Variants in CTNNA3 observed in about 807,000 individuals in gnomAD.
The protein encoded by CTNNA3 is catenin alpha-3.
A neutral mutation model predicts 95.7 loss-of-function variants in CTNNA3; 76 were observed. That is an observed-to-expected ratio of 0.79 (90% CI 0.66 to 0.96). CTNNA3 has a LOEUF of 0.96. Ranked by LOEUF, CTNNA3 falls within the 40% of genes least tolerant of loss-of-function variation. The pLI is 0.00. For synonymous variants in CTNNA3, 431 were observed against 374.4 expected (o/e 1.15, Z -1.74); for missense variants, 1,191 against 1,089.8 (o/e 1.09, Z -1.31).
At chr10:66,056,114 G>A (rs1007540071) in intron 15 of CTNNA3, among the ~76,000 whole-genome samples, 2 of 152,020 alleles carry the variant, frequency 1.3e-5, no homozygotes, top group Non-Finnish European at 2.9e-5. Flanking sequence ...TGTTAAAGGA[G>A]AGGCTTTCAG....
intron 10 of CTNNA3, among the ~76,000 whole-genome samples, chr10:66,550,163 G>A (rs1475583012): frequency 6.6e-6 from 1 of 152,014 alleles, no homozygotes; most frequent in Admixed American, 6.6e-5. Flanking sequence ...CCTGATGAAT[G>A]CCTATTTTAT....
intron 7 of CTNNA3, among the ~76,000 whole-genome samples, chr10:67,128,438 C>T (rs1338200678): frequency 6.8e-6 from 1 of 147,982 alleles, no homozygotes; most frequent in African/African-American, 2.5e-5. Context: ...TAATCTGATC[C>T]TTTTTTTTTT....
chr10:66,917,642 C>A (rs543205472), intron 7 of CTNNA3, among the ~76,000 whole-genome samples: 5 of 152,300 alleles, frequency 3.3e-5, no homozygotes, highest in Non-Finnish European at 5.9e-5. Context: ...TGTCTATTAT[C>A]TTTCTCCTCC....
At chr10:66,086,132 C>T (rs537358262) in intron 14 of CTNNA3, among the ~76,000 whole-genome samples, 12 of 152,254 alleles carry the variant, frequency 7.9e-5, no homozygotes, top group Non-Finnish European at 1.8e-4. Flanking sequence ...ATAGACAAGG[C>T]TTTTCCAAGT....
At position 66,345,138 on chromosome 10, in the gene CTNNA3, G is replaced by A. The variant is rs546858833; in HGVS notation, c.1732+34014C>T. ...TATTTTCAGGCATAGAAATTTTGCC[G>A]GCATTCTGAACTACAAATGCTGCTG... On this transcript the variant is annotated intron_variant, in intron 12 of 17. Coordinates refer to ENST00000433211, the MANE Select transcript of CTNNA3 (RefSeq NM_013266.4). 4.7e-4 allele frequency among the ~76,000 whole-genome samples: 72 copies of A among 151,978 alleles called. 1 individual carries two copies. In the South Asian group the frequency reaches 0.014, roughly 30 times the overall value.
chr10:67,302,055 G>A (rs1342876143), intron 5 of CTNNA3, among the ~76,000 whole-genome samples: 2 of 124,950 alleles, frequency 1.6e-5, no homozygotes, highest in Admixed American at 7.6e-5. Context: ...AAGAAAGAAA[G>A]AAAGAAAGAA....
intron 7 of CTNNA3, among the ~76,000 whole-genome samples, chr10:66,978,526 CAAAAAAAAAA>C (rs1170594360): frequency 4.7e-5 from 2 of 42,320 alleles, no homozygotes; most frequent in East Asian, 9.6e-4. Context: ...GACTCCATCT[CAAAAAAAAAA>C]AAAAAAAAAA....
At chr10:67,384,146 A>G (rs957352457) in intron 5 of CTNNA3, among the ~76,000 whole-genome samples, 1 of 152,198 alleles carries the variant, frequency 6.6e-6, no homozygotes, top group Non-Finnish European at 1.5e-5. Flanking sequence ...ATAAGGATAC[A>G]TAAAACACAA....
chr10:66,047,653 T>C (rs1161005814), intron 15 of CTNNA3, among the ~76,000 whole-genome samples: 1 of 152,000 alleles, frequency 6.6e-6, no homozygotes, highest in Non-Finnish European at 1.5e-5. Context: ...GAGAGACAAA[T>C]AAAGGGCACC....
intron 9 of CTNNA3, among the ~76,000 whole-genome samples, chr10:66,755,892 C>T (rs1188342007): frequency 6.6e-6 from 1 of 152,052 alleles, no homozygotes; most frequent in Non-Finnish European, 1.5e-5. Context: ...CATATAAGTT[C>T]CCATAAGACC....
chr10:67,611,653 A>G (rs1843463427), intron 2 of CTNNA3, among the ~76,000 whole-genome samples: 1 of 152,068 alleles, frequency 6.6e-6, no homozygotes, highest in Admixed American at 6.6e-5. Flanking sequence ...GGGTAACACA[A>G]TTATATTCTA....
At chr10:67,740,515 T>G (rs2133640344) in intron 1 of CTNNA3, among the ~76,000 whole-genome samples, 1 of 151,424 alleles carries the variant, frequency 6.6e-6, no homozygotes, top group East Asian at 1.9e-4. Flanking sequence ...AACAGACACT[T>G]GTCAACAGAA....
chr10:66,147,746 A>C (rs925475710), intron 13 of CTNNA3, among the ~76,000 whole-genome samples: 33 of 145,822 alleles, frequency 2.3e-4, no homozygotes, highest in Admixed American at 2.1e-3. Context: ...AAATATGTTT[A>C]TATTAGTATG....
At chr10:67,729,475 T>G (rs1841262786) in intron 1 of CTNNA3, among the ~76,000 whole-genome samples, 1 of 152,158 alleles carries the variant, frequency 6.6e-6, no homozygotes. Context: ...GTTAATCTAA[T>G]TTTTAAAACA....
At chr10:67,639,986 A>G (rs539801134) in intron 2 of CTNNA3, among the ~76,000 whole-genome samples, 1 of 152,310 alleles carries the variant, frequency 6.6e-6, no homozygotes, top group African/African-American at 2.4e-5. Flanking sequence ...TATTCAACAT[A>G]GTGTTGGAAG....
chr10:66,665,283 G>T (rs1431512369), intron 9 of CTNNA3, among the ~76,000 whole-genome samples: 1 of 152,130 alleles, frequency 6.6e-6, no homozygotes, highest in East Asian at 1.9e-4. Context: ...TGTAAGAATT[G>T]GTTCATGGAG....
chr10:66,502,577 C>T (rs72791581), intron 11 of CTNNA3, among the ~76,000 whole-genome samples: 23,119 of 151,996 alleles, frequency 0.15, 1,828 homozygotes, highest in Non-Finnish European at 0.17. Flanking sequence ...GTATTTGATA[C>T]ACATGGCATT....
chr10:66,557,907 T>C (rs1842440153), intron 10 of CTNNA3, among the ~76,000 whole-genome samples: 1 of 152,130 alleles, frequency 6.6e-6, no homozygotes, highest in Non-Finnish European at 1.5e-5. Flanking sequence ...TTATTTCTGG[T>C]GATTAAATTC....
At chr10:67,016,901 T>A (rs1003356276) in intron 7 of CTNNA3, among the ~76,000 whole-genome samples, 1 of 152,192 alleles carries the variant, frequency 6.6e-6, no homozygotes, top group Non-Finnish European at 1.5e-5. Flanking sequence ...ATATTTTATA[T>A]CCTATCAAAA....
Sources: allele counts gnomAD v4.1 joint callset (sites outside exome capture counted in the v4.1 genomes callset), GRCh38; gene constraint gnomAD v4.1.1; transcripts MANE v1.5; gene names NCBI Gene and HGNC (gene_info 2026-07-23, HGNC 2026-07-21).